VWA8: variants seen among roughly 807,000 people sequenced by gnomAD.
VWA8 encodes the protein von Willebrand factor A domain-containing protein 8.
VWA8 carries 221 observed loss-of-function variants against 241.5 expected under a neutral mutation model. That is an observed-to-expected ratio of 0.91 (90% CI 0.82 to 1.02). The LOEUF (loss-of-function observed/expected upper bound fraction) is 1.02, where lower values mean the gene tolerates loss of function less well. Ranked by LOEUF, VWA8 falls within the 50% of genes least tolerant of loss-of-function variation. The pLI is 0.00. For missense variants in VWA8, 2,322 were observed against 2,328.7 expected (o/e 1.00, Z 0.06); for synonymous variants, 852 against 827.1 (o/e 1.03, Z -0.52).
At chr13:41,746,190 ATTTTTAACGTTTTTCT>A (rs2045605324) in intron 21 of VWA8, among the ~76,000 whole-genome samples, 1 of 152,180 alleles carries the variant, frequency 6.6e-6, no homozygotes, top group African/African-American at 2.4e-5. Context: ...CATTTTTTGG[ATTTTTAACGTTTTTCT>A]CAAACTAAAA....
intron 14 of VWA8, among the ~76,000 whole-genome samples, chr13:41,824,351 T>C (rs891123795): frequency 6.6e-6 from 1 of 152,200 alleles, no homozygotes; most frequent in African/African-American, 2.4e-5. Context: ...TTAGACACTT[T>C]AAACTTCTAG....
intron 36 of VWA8, among the ~76,000 whole-genome samples, chr13:41,671,886 T>C (rs184427267): frequency 1.5e-4 from 23 of 152,306 alleles, no homozygotes; most frequent in African/African-American, 4.1e-4. Context: ...ACCCACTCTA[T>C]AGTATTCTGC....
At chr13:41,726,491 G>C (rs979999218) in intron 24 of VWA8, among the ~76,000 whole-genome samples, 1 of 152,174 alleles carries the variant, frequency 6.6e-6, no homozygotes, top group African/African-American at 2.4e-5. Context: ...TCCAATCAAT[G>C]TGAATCAGTC....
intron 16 of VWA8, among the ~76,000 whole-genome samples, chr13:41,813,117 G>A (rs865826460): frequency 2.0e-5 from 3 of 152,120 alleles, no homozygotes; most frequent in Non-Finnish European, 4.4e-5. Flanking sequence ...ACACTCTGAC[G>A]GGTTTGGCTT....
intron 37 of VWA8, among the ~76,000 whole-genome samples, chr13:41,632,745 T>C (rs1283188067): frequency 2.0e-5 from 3 of 152,218 alleles, no homozygotes; most frequent in Admixed American, 6.5e-5. Context: ...TTTCCAACCA[T>C]TTCCTCAAGG....
At chr13:41,686,959 C>A (rs971231848) in intron 34 of VWA8, among the ~76,000 whole-genome samples, 1 of 152,144 alleles carries the variant, frequency 6.6e-6, no homozygotes, top group Non-Finnish European at 1.5e-5. Context: ...TACCTCTCCC[C>A]ACCATAGATG....
rs147946859 is a variant in VWA8 at position 41,941,761 on chromosome 13, T to C, written c.241+8175A>G. Among the ~76,000 whole-genome samples the C allele has an allele frequency of 1.7e-3, 257 of 152,298 alleles. 2 individuals are homozygous for C. The highest frequency in any genetic ancestry group is 5.7e-3 in the African/African-American group (236 of 41,558). ...ACCAGGCAGTATCCTACACATTTCA[T>C]ATATGCTATTTGATTTAATCATTAT... is the stretch of plus-strand genomic sequence containing the variant. On this transcript the variant is annotated intron_variant, in intron 2 of 44. Transcript: ENST00000379310.
At chr13:41,573,474 TAAAA>T (rs543021636) in intron 43 of VWA8, among the ~76,000 whole-genome samples, 7 of 126,712 alleles carry the variant, frequency 5.5e-5, no homozygotes, top group Non-Finnish European at 7.9e-5. Flanking sequence ...GGCTATAGTT[TAAAA>T]AAAAAAAAAT....
Position 41,721,509 on chromosome 13 carries a change from T to C in VWA8, c.2825A>G (p.Gln942Arg). Reference protein sequence around the residue: ...KPHSELEMLRQYGPNVPEPIL... With the variant: ...KPHSELEMLRRYGPNVPEPIL... Reference sequence around the variant, plus strand: ...GGGCTCAGGCACATTTGGTCCATACTGTCTGAGCATCTCGAGCTCCGAGTG... The same window carrying C: ...GGGCTCAGGCACATTTGGTCCATACCGTCTGAGCATCTCGAGCTCCGAGTG... Residue 942 changes from glutamine to arginine, a missense_variant, in exon 25 of 45, where the codon CAG becomes CGG. Gln to Arg is a conservative substitution (Grantham distance 43). Coordinates refer to ENST00000379310, the MANE Select transcript of VWA8 (RefSeq NM_015058.2). 1.2e-6 allele frequency: 2 copies of C among 1,613,904 alleles called. No individual in the cohort carries two copies. Among genetic ancestry groups the C allele is most frequent in the South Asian group, 1.1e-5 (1 of 91,068 alleles).
chr13:41,918,515 A>T lies in VWA8; in HGVS notation c.242-6347T>A, dbSNP rs560163224. On this transcript the variant is annotated intron_variant, in intron 2 of 44. Transcript: ENST00000379310. ...AAAATGCAAGACAGATTCCCCTGAA[A>T]CTAATACTGTGAGAATTAACATGAA... is the stretch of plus-strand genomic sequence containing the variant. 2.6e-5 allele frequency among the ~76,000 whole-genome samples: 4 copies of T among 152,324 alleles called. No individual in the cohort carries two copies. The South Asian group carries it at 8.3e-4, about 32-fold the overall frequency.
intron 42 of VWA8, among the ~76,000 whole-genome samples, chr13:41,583,274 G>A (rs2044395294): frequency 6.6e-6 from 1 of 152,138 alleles, no homozygotes; most frequent in Admixed American, 6.5e-5. Context: ...AGGCCTGTTA[G>A]GAGTTTTGGA....
intron 9 of VWA8, among the ~76,000 whole-genome samples, chr13:41,871,386 T>C (rs951502330): frequency 1.3e-5 from 2 of 152,206 alleles, no homozygotes; most frequent in East Asian, 1.9e-4. Flanking sequence ...ACATGTGCCA[T>C]GCTGGTGTGC....
intron 12 of VWA8, among the ~76,000 whole-genome samples, chr13:41,861,245 C>A (rs1872994227): frequency 6.6e-6 from 1 of 151,920 alleles, no homozygotes; most frequent in Non-Finnish European, 1.5e-5. Context: ...AGAATGAATT[C>A]TATACCCAGA....
intron 12 of VWA8, among the ~76,000 whole-genome samples, chr13:41,845,795 A>G (rs1872263705): frequency 1.3e-5 from 2 of 152,134 alleles, no homozygotes; most frequent in South Asian, 4.1e-4. Context: ...ACACACTGAC[A>G]TAGAGATGGG....
At chr13:41,957,012 G>GCA (rs1878379454) in intron 1 of VWA8, among the ~76,000 whole-genome samples, 1 of 152,160 alleles carries the variant, frequency 6.6e-6, no homozygotes, top group African/African-American at 2.4e-5. Context: ...AGGCAAAGAT[G>GCA]GGCAGATCAC....
intron 2 of VWA8, among the ~76,000 whole-genome samples, chr13:41,919,480 C>T (rs1248739286): frequency 1.3e-5 from 2 of 152,168 alleles, no homozygotes; most frequent in Non-Finnish European, 2.9e-5. Flanking sequence ...ACCAGAGCCA[C>T]TGCTCCAGTG....
chr13:41,693,458 A>C (rs61964888), intron 29 of VWA8, among the ~76,000 whole-genome samples: 2,623 of 152,154 alleles, frequency 0.017, 30 homozygotes, highest in Middle Eastern at 0.065. Context: ...TCCAGGTTCA[A>C]TTTAGAAAAT....
At chr13:41,797,026 A>AT (rs548005447) in intron 17 of VWA8, among the ~76,000 whole-genome samples, 196 of 151,610 alleles carry the variant, frequency 1.3e-3, no homozygotes, top group Non-Finnish European at 2.2e-3. Context: ...TGAAAAACCG[A>AT]TTTTTTTCTT....
At position 41,815,340 on chromosome 13, in the gene VWA8, T is replaced by C. The variant is rs79944193; in HGVS notation, c.1947+1358A>G. On this transcript the variant is annotated intron_variant, in intron 16 of 44. Coordinates refer to ENST00000379310, the MANE Select transcript of VWA8 (RefSeq NM_015058.2). The stretch of plus-strand genomic sequence containing the variant: ...ATCCTCCCAAAAATCCACATCCTAA[T>C]CTCTGGAAACTGTCAATGTTACTTT... Among the ~76,000 whole-genome samples, 43 of 152,348 alleles carry C rather than the reference T, an allele frequency of 2.8e-4. 1 individual carries two copies. The East Asian group carries it at 8.3e-3, about 29-fold the overall frequency.
Sources: allele counts gnomAD v4.1 joint callset (sites outside exome capture counted in the v4.1 genomes callset), GRCh38; gene constraint gnomAD v4.1.1; transcripts MANE v1.5; gene names NCBI Gene and HGNC (gene_info 2026-07-23, HGNC 2026-07-21).